Variants in SSPN observed in about 807,000 individuals in gnomAD.
SSPN encodes sarcospan, also known as K-ras oncogene-associated protein.
SSPN carries 15 observed loss-of-function variants against 19.1 expected under a neutral mutation model. That is an observed-to-expected ratio of 0.78 (90% CI 0.52 to 1.21). SSPN has a LOEUF of 1.21. SSPN is among the 50% of genes most tolerant of loss of function. The probability of loss-of-function intolerance (pLI) is 0.00; values close to 1 mark genes in which losing one functional copy is unlikely to be tolerated. For missense variants in SSPN, 291 were observed against 314.0 expected (o/e 0.93, Z 0.55); for synonymous variants, 147 against 140.3 (o/e 1.05, Z -0.34).
At chr12:26,228,231 A>G (rs930936454) in intron 2 of SSPN, among the ~76,000 whole-genome samples, 3 of 151,868 alleles carry the variant, frequency 2.0e-5, no homozygotes, top group African/African-American at 4.8e-5. Flanking sequence ...CCCTGTCTCT[A>G]TCAAAAAAAA....
In SSPN at chr12:26,230,693, T is replaced by C. The variant is rs1421136774; in HGVS notation, c.367-18T>C. 6.3e-7 allele frequency: 1 copy of C among 1,583,666 alleles called. No homozygotes were observed. The highest frequency in any genetic ancestry group is 1.8e-5 in the Admixed American group (1 of 56,636). On this transcript the variant is annotated intron_variant, in intron 2 of 2. Coordinates refer to ENST00000242729, the MANE Select transcript of SSPN (RefSeq NM_005086.5). ...ATGTTCTTTGTAACCAGAAAGGTTT[T>C]CTTCTGCTTTCTTGCAGCTGTTATA...
chr12:26,177,282 T>G (rs1944690253), intron 1 of SSPN, among the ~76,000 whole-genome samples: 1 of 152,204 alleles, frequency 6.6e-6, no homozygotes, highest in Non-Finnish European at 1.5e-5. Flanking sequence ...AATTTCACTT[T>G]TAAGTGTTGT....
intron 1 of SSPN, among the ~76,000 whole-genome samples, chr12:26,142,338 A>AATT (rs1944465710): frequency 6.6e-6 from 1 of 152,194 alleles, no homozygotes; most frequent in Non-Finnish European, 1.5e-5. Context: ...TCAAGATGAA[A>AATT]GGTTGTAGGA....
At chr12:26,180,054 A>C (rs2137440977) in intron 1 of SSPN, 1 of 150,922 alleles carries the variant, frequency 6.6e-6, no homozygotes, top group East Asian at 2.0e-4. Context: ...GGCACTGTAG[A>C]GGACTGTTCC....
chr12:26,122,254 G>T lies in SSPN; in HGVS notation c.-31+102G>T. ...GCGGCGCCCGCCTTCTCGGGAGGGGGCGACAACACCGAGGACAGGCAGGGG... is the reference window on the plus strand; with the variant it reads ...GCGGCGCCCGCCTTCTCGGGAGGGGTCGACAACACCGAGGACAGGCAGGGG... On this transcript the variant is annotated intron_variant, in intron 1 of 2. Coordinates refer to the SSPN transcript ENST00000538142. 1 of 1,261,362 alleles carries T rather than the reference G, an allele frequency of 7.9e-7. No homozygotes were observed. Among genetic ancestry groups the T allele is most frequent in the Non-Finnish European group, 9.9e-7 (1 of 1,006,054 alleles). The allele number at this position is 1,261,362 out of a possible 1,614,324, so 78.1% of individuals were successfully genotyped here.
At chr12:26,131,310 T>A (rs568964141) in intron 1 of SSPN, among the ~76,000 whole-genome samples, 99 of 152,358 alleles carry the variant, frequency 6.5e-4, no homozygotes, top group African/African-American at 2.3e-3. Flanking sequence ...GGAGGAAATT[T>A]AATAGAGTTT....
chr12:26,200,499 T>C (rs1944867874), intron 1 of SSPN, among the ~76,000 whole-genome samples: 1 of 152,154 alleles, frequency 6.6e-6, no homozygotes, highest in African/African-American at 2.4e-5. Context: ...ATATCACATA[T>C]AGCAAATAAG....
At chr12:26,172,886 A>G (rs747323126) in intron 1 of SSPN, among the ~76,000 whole-genome samples, 13 of 151,642 alleles carry the variant, frequency 8.6e-5, no homozygotes, top group Non-Finnish European at 1.9e-4. Flanking sequence ...CCCATGAATC[A>G]TCTATCTATT....
chr12:26,132,824 T>G (rs1214096938), intron 1 of SSPN, among the ~76,000 whole-genome samples: 1 of 152,234 alleles, frequency 6.6e-6, no homozygotes, highest in Non-Finnish European at 1.5e-5. Flanking sequence ...TGAAGCTAAC[T>G]TTGCTCTGGA....
chr12:26,122,738 C>T, intron 1 of SSPN: 1 of 1,595,908 alleles, frequency 6.3e-7, no homozygotes, highest in Non-Finnish European at 8.5e-7. Context: ...CGCGGCTCGC[C>T]CCCGCGCCTT....
intron 1 of SSPN, among the ~76,000 whole-genome samples, chr12:26,133,461 A>G (rs1944407610): frequency 6.6e-6 from 1 of 152,192 alleles, no homozygotes; most frequent in Non-Finnish European, 1.5e-5. Context: ...CCTGCTTTTA[A>G]CAGTTAGGGT....
At chr12:26,177,669 A>G (rs1206545332) in intron 1 of SSPN, among the ~76,000 whole-genome samples, 5 of 152,342 alleles carry the variant, frequency 3.3e-5, no homozygotes, top group African/African-American at 1.2e-4. Context: ...CTTTGAATGC[A>G]AGGAACAGAA....
intron 1 of SSPN, among the ~76,000 whole-genome samples, chr12:26,175,915 C>T (rs1278232754): frequency 6.6e-6 from 1 of 151,444 alleles, no homozygotes; most frequent in African/African-American, 2.4e-5. Flanking sequence ...TGGCTCACTG[C>T]AACCTCTGCC....
chr12:26,205,405 C>T (rs1361284740), intron 1 of SSPN, among the ~76,000 whole-genome samples: 1 of 152,116 alleles, frequency 6.6e-6, no homozygotes, highest in Non-Finnish European at 1.5e-5. Context: ...CTTTGACGAG[C>T]GAGAGAATTT....
At chr12:26,137,654 ATATTTTTTTTTTT>A (rs1435417274) in intron 1 of SSPN, among the ~76,000 whole-genome samples, 7 of 55,004 alleles carry the variant, frequency 1.3e-4, no homozygotes, top group African/African-American at 6.4e-4. Flanking sequence ...ATATATATAT[ATATTTTTTTTTTT>A]TTTTTTTTTT....
At chr12:26,183,468 A>G (rs115187039) in intron 1 of SSPN, among the ~76,000 whole-genome samples, 2,215 of 152,306 alleles carry the variant, frequency 0.015, 55 homozygotes, top group African/African-American at 0.051. Flanking sequence ...AACTAAATTC[A>G]ATGAATATAT....
chr12:26,135,011 T>A (rs1944417298), intron 1 of SSPN: 1 of 152,308 alleles, frequency 6.6e-6, no homozygotes, highest in Admixed American at 6.5e-5. Flanking sequence ...GGCAGTAAGC[T>A]CTGCTCCCTA....
At chr12:26,174,741 G>A (rs1314527888) in intron 1 of SSPN, among the ~76,000 whole-genome samples, 7 of 151,944 alleles carry the variant, frequency 4.6e-5, no homozygotes, top group Non-Finnish European at 2.9e-5. Flanking sequence ...GGCTGGTTTC[G>A]AACTCCTGAT....
chr12:26,201,031 A>ATATATATATAT (rs1944877013), intron 1 of SSPN, among the ~76,000 whole-genome samples: 4 of 60,510 alleles, frequency 6.6e-5, no homozygotes, highest in African/African-American at 2.8e-4. Flanking sequence ...ATATATATAT[A>ATATATATATAT]TATATATATA....
Sources: gnomAD v4.1 joint callset for allele counts (sites outside exome capture counted in the v4.1 genomes callset) on GRCh38, gnomAD v4.1.1 for gene constraint, MANE v1.5 for transcripts, NCBI Gene and HGNC (gene_info 2026-07-23, HGNC 2026-07-21) for gene names.